SCYL1: variants seen among roughly 807,000 people sequenced by gnomAD.
SCYL1 encodes the protein SCY1 like pseudokinase 1.
A neutral mutation model predicts 94.8 loss-of-function variants in SCYL1; 85 were observed. The ratio of observed to expected loss-of-function variants is 0.90; its 90% confidence interval spans 0.75 to 1.07. The LOEUF is 1.07. Ranked by LOEUF, SCYL1 falls within the 50% of genes least tolerant of loss-of-function variation. SCYL1 has a pLI of 0.00. For missense variants in SCYL1, 968 were observed against 1,083.3 expected (o/e 0.89, Z 1.49); for synonymous variants, 459 against 435.5 (o/e 1.05, Z -0.67).
At position 65,525,939 on chromosome 11, in the gene SCYL1, G is replaced by A; in HGVS notation, c.271G>A (p.Val91Ile). ...DGLETEKCLH[V>I]VTEAVTPLGI... is the part of the protein sequence containing the mutation. ...TCCCCAGACAGAAAAATGCCTCCAC[G>A]TCGTGACAGAGGCTGTGACCCCGTT... Residue 91 changes from valine to isoleucine, a missense_variant, in exon 3 of 18, where the codon GTC (valine) becomes ATC (isoleucine). Transcript: ENST00000270176. 2 of 1,613,384 alleles carry A rather than the reference G, an allele frequency of 1.2e-6. No homozygotes were observed. The highest frequency in any genetic ancestry group is 1.7e-5 in the Admixed American group (1 of 59,996).
intron 9 of SCYL1, among the ~76,000 whole-genome samples, chr11:65,534,925 C>T (rs1004762157): frequency 3.3e-5 from 5 of 152,010 alleles, no homozygotes; most frequent in Non-Finnish European, 7.4e-5. Flanking sequence ...AGTGACCTCA[C>T]CCTGAGCCAG....
Position 65,531,657 on chromosome 11 carries a change from G to T in SCYL1, c.1090G>T (p.Ala364Ser). ...CAAGATGTTCTCATCCACTGACCGGGCCATGCGCATCCGCCTCCTGCAGCA... is the reference window on the plus strand; with the variant it reads ...CAAGATGTTCTCATCCACTGACCGGTCCATGCGCATCCGCCTCCTGCAGCA... Reference protein sequence around the residue: ...VVKMFSSTDRAMRIRLLQQME... With the variant: ...VVKMFSSTDRSMRIRLLQQME... Residue 364 changes from alanine to serine, a missense_variant, in exon 8 of 18, where the codon GCC (alanine) becomes TCC (serine). This residue lies in a region of SCYL1 where 494 missense variants were observed against 619.7 expected (regional missense o/e 0.80). Transcript: ENST00000270176. 6.2e-7 allele frequency: 1 copy of T among 1,613,748 alleles called. No individual in the cohort carries two copies. The highest frequency in any genetic ancestry group is 8.5e-7 in the Non-Finnish European group (1 of 1,179,752).
intron 6 of SCYL1, among the ~76,000 whole-genome samples, chr11:65,529,474 T>G (rs1855261355): frequency 1.3e-5 from 2 of 152,186 alleles, no homozygotes; most frequent in South Asian, 4.1e-4. Flanking sequence ...GCTGCTACTC[T>G]CTTGATGTAT....
chr11:65,527,319 G>C (rs1855137074), intron 6 of SCYL1, among the ~76,000 whole-genome samples: 1 of 152,114 alleles, frequency 6.6e-6, no homozygotes, highest in African/African-American at 2.4e-5. Context: ...AATAGTACAG[G>C]TTGAGCATCC....
In SCYL1 at chr11:65,536,017, G is replaced by A. The variant is rs976805310; in HGVS notation, c.1451G>A (p.Arg484Gln). Residue 484 changes from arginine (R) to glutamine (Q), a missense_variant, in exon 11 of 18, where the codon CGG becomes CAG. Coordinates refer to ENST00000270176, the MANE Select transcript of SCYL1 (RefSeq NM_020680.4). ...ACTAGGGACCCGTTTGCACCGTCCC[G>A]GGTTGCGGGTGTCCTGGGCTTTGCT... Reference protein sequence around the residue: ...RATRDPFAPSRVAGVLGFAAT... With the variant: ...RATRDPFAPSQVAGVLGFAAT... 3.7e-6 allele frequency: 6 copies of A among 1,613,872 alleles called. No individual in the cohort carries two copies. The highest frequency in any genetic ancestry group is 2.2e-5 in the East Asian group (1 of 44,898).
In SCYL1 at chr11:65,538,297, A is replaced by T; in HGVS notation, c.2275A>T (p.Asn759Tyr). 1 of 1,551,952 alleles carries T rather than the reference A, an allele frequency of 6.4e-7. No homozygotes were observed. Among genetic ancestry groups the T allele is most frequent in the Non-Finnish European group, 8.7e-7 (1 of 1,147,440 alleles). The change falls in exon 17 of 18, where the codon AAC becomes TAC. Residue 759 changes from asparagine (N) to tyrosine (Y), a missense_variant. Coordinates refer to ENST00000270176, the MANE Select transcript of SCYL1 (RefSeq NM_020680.4). ...QPRPDSWGEDNWEGLETDSRQ... is the reference protein window; with the variant it reads ...QPRPDSWGEDYWEGLETDSRQ... ...GAGGCCAGACTCTTGGGGTGAGGACAACTGGGAGGGCCTCGAGACTGACAG... is the reference window on the plus strand; with the variant it reads ...GAGGCCAGACTCTTGGGGTGAGGACTACTGGGAGGGCCTCGAGACTGACAG...
intron 9 of SCYL1, among the ~76,000 whole-genome samples, chr11:65,534,615 G>A (rs574687385): frequency 6.6e-6 from 1 of 152,324 alleles, no homozygotes; most frequent in South Asian, 2.1e-4. Context: ...CTAGGGGTAT[G>A]TGCCTGGGGG....
At position 65,538,325 on chromosome 11, in the gene SCYL1, G is replaced by C. The variant is rs980837713; in HGVS notation, c.2302+1G>C. ...TGGGAGGGCCTCGAGACTGACAGTC[G>C]TAAGTGCTTCCCCTGGGTGGGCTGA... On this transcript the variant is annotated splice_donor_variant, in intron 17 of 17. Coordinates refer to ENST00000270176, the MANE Select transcript of SCYL1 (RefSeq NM_020680.4). LOFTEE classifies it high-confidence loss of function. 11 of 1,547,860 alleles carry C rather than the reference G, an allele frequency of 7.1e-6. No homozygotes were observed. The East Asian group carries it at 7.3e-5, about 10-fold the overall frequency.
In SCYL1 at chr11:65,538,640, C is replaced by T. The variant is rs1276758590; in HGVS notation, c.*74C>T. On this transcript the variant is annotated 3_prime_UTR_variant, in exon 18 of 18. Transcript: ENST00000270176. Reference sequence around the variant, plus strand: ...TATTTATTGTACAAACCATGTGAGCCCGGCCGGCCCAGCCAGGCCATCTCA... The same window carrying T: ...TATTTATTGTACAAACCATGTGAGCTCGGCCGGCCCAGCCAGGCCATCTCA... 7.0e-5 allele frequency: 105 copies of T among 1,505,246 alleles called. No individual in the cohort carries two copies. Among genetic ancestry groups the T allele is most frequent in the Non-Finnish European group, 9.1e-5 (102 of 1,121,104 alleles). 93.2% of individuals were successfully genotyped at this position (1,505,246 alleles called of 1,614,324 possible). A position where few individuals can be genotyped will look rare whatever the true frequency, so the allele number is the denominator to read the frequency against.
At chr11:65,527,626 A>G (rs1202866983) in intron 6 of SCYL1, among the ~76,000 whole-genome samples, 2 of 151,086 alleles carry the variant, frequency 1.3e-5, no homozygotes, top group Non-Finnish European at 2.9e-5. Context: ...CAGCTACTCC[A>G]GAGGCTGAGG....
At chr11:65,537,919 C>T (rs757423296) in intron 15 of SCYL1, 39 bp downstream of exon 15, 43 of 1,582,536 alleles carry the variant, frequency 2.7e-5, no homozygotes, top group Non-Finnish European at 3.6e-5. Context: ...GTATGGGGCT[C>T]TTTCCTCCTT....
chr11:65,538,588 GGCTGCGGAGAGC>G lies in SCYL1; in HGVS notation c.*23_*34del. 2 of 1,603,916 alleles carry G rather than the reference GGCTGCGGAGAGC, an allele frequency of 1.2e-6. No individual in the cohort carries two copies. The highest frequency in any genetic ancestry group is 1.7e-6 in the Non-Finnish European group (2 of 1,175,506). On this transcript the variant is annotated 3_prime_UTR_variant, in exon 18 of 18. Transcript: ENST00000270176. ...CTGAACCGTGGCGGTGGCCCTTCCC[GGCTGCGGAGAGC>G]CCGCCCCACAGATGTATTTATTGTA...
intron 10 of SCYL1, 82 bp downstream of exon 10, chr11:65,535,464 G>A: frequency 2.6e-6 from 4 of 1,537,362 alleles, no homozygotes; most frequent in South Asian, 2.3e-5. Context: ...CTTGTGTGTG[G>A]GGGCCTTCAT....
Position 65,536,635 on chromosome 11 carries a change from T to C in SCYL1, c.1701T>C (p.Ala567=), listed in dbSNP as rs1446028965. ...ASSPGMGGAA[A]SWAGWAVTGV... ...GCCCTGGCATGGGAGGAGCCGCAGC[T>C]AGCTGGGCAGGCTGGGCCGTGACCG... The change falls in exon 13 of 18, where the codon GCT becomes GCC. Residue 567 remains alanine (A), a synonymous_variant. Transcript: ENST00000270176. The C allele has an allele frequency of 6.2e-7, 1 of 1,614,130 alleles. No homozygotes were observed. Among genetic ancestry groups the C allele is most frequent in the South Asian group, 1.1e-5 (1 of 91,086 alleles).
rs188658992 is a variant in SCYL1 at position 65,534,188 on chromosome 11, G to A, written c.1231-1039G>A. ...GGAGCTTGCAGTGAGCCGATATCGC[G>A]CCACTGCACTCCAGCCTGGGCAACA... On this transcript the variant is annotated intron_variant, in intron 9 of 17. Coordinates refer to ENST00000270176, the MANE Select transcript of SCYL1 (RefSeq NM_020680.4). Among the ~76,000 whole-genome samples the A allele has an allele frequency of 3.6e-3, 544 of 151,266 alleles. 3 individuals are homozygous for A. The highest frequency in any genetic ancestry group is 6.8e-3 in the Middle Eastern group (2 of 294).
chr11:65,528,578 G>A (rs1855208558), intron 6 of SCYL1, among the ~76,000 whole-genome samples: 2 of 152,076 alleles, frequency 1.3e-5, no homozygotes, highest in Non-Finnish European at 2.9e-5. Context: ...GACCAACATG[G>A]AGAAACCCCG....
At chr11:65,536,219 G>A (rs377420741) in intron 11 of SCYL1, 40 bp from the exon 12 acceptor site, 4 of 1,608,510 alleles carry the variant, frequency 2.5e-6, no homozygotes, top group Middle Eastern at 1.6e-4. Context: ...TAGGTTCTTG[G>A]GAACCCCAGA....
At position 65,535,207 on chromosome 11, in the gene SCYL1, C is replaced by T. The variant is rs763880535; in HGVS notation, c.1231-20C>T. 3 of 1,611,090 alleles carry T rather than the reference C, an allele frequency of 1.9e-6. No homozygotes were observed. Among genetic ancestry groups the T allele is most frequent in the East Asian group, 2.2e-5 (1 of 44,746 alleles). On this transcript the variant is annotated intron_variant, in intron 9 of 17. Transcript: ENST00000270176. ...TTTGCCCGCCACAGCCCACAGTTCC[C>T]ACTCATTTCTGCCCCACAGTCCATG...
intron 9 of SCYL1, 58 bp downstream of exon 9, chr11:65,532,863 C>A: frequency 1.5e-6 from 2 of 1,298,702 alleles, no homozygotes; most frequent in South Asian, 1.2e-5. Context: ...TGGAGGGGCT[C>A]ACCCTAGACA....
Sources: gnomAD v4.1 joint callset for allele counts (sites outside exome capture counted in the v4.1 genomes callset) on GRCh38, gnomAD v4.1.1 for gene constraint, gnomAD v4.1.1 regional missense constraint, MANE v1.5 for transcripts, NCBI Gene and HGNC (gene_info 2026-07-23, HGNC 2026-07-21) for gene names.